TIAM1: variants seen among roughly 807,000 people sequenced by gnomAD.
The protein encoded by TIAM1 is TIAM Rac1 associated GEF 1.
TIAM1 carries 65 observed loss-of-function variants against 163.5 expected under a neutral mutation model. That is an observed-to-expected ratio of 0.40 (90% CI 0.33 to 0.49). TIAM1 has a LOEUF of 0.49. Among genes scored for constraint, TIAM1 ranks in the 20% least tolerant of loss-of-function variants. The probability of loss-of-function intolerance (pLI) is 0.77; values close to 1 mark genes in which losing one functional copy is unlikely to be tolerated. For synonymous variants in TIAM1, 833 were observed against 810.1 expected, an observed-to-expected ratio of 1.03 and a Z score of -0.48; for missense variants, 1,789 against 2,044.7, an observed-to-expected ratio of 0.87 and a Z score of 2.41.
intron 1 of TIAM1, among the ~76,000 whole-genome samples, chr21:31,533,078 T>C (rs1699326013): frequency 6.6e-6 from 1 of 152,214 alleles, no homozygotes; most frequent in Admixed American, 6.5e-5. Context: ...CTCAGCACTC[T>C]GGGAGGCTGA....
chr21:31,433,233 G>A (rs563560258), intron 2 of TIAM1, among the ~76,000 whole-genome samples: 1 of 152,274 alleles, frequency 6.6e-6, no homozygotes, highest in South Asian at 2.1e-4. Flanking sequence ...AAGTAAGAAA[G>A]ACTTCACCAG....
intron 2 of TIAM1, among the ~76,000 whole-genome samples, chr21:31,386,305 G>T: frequency 6.6e-6 from 1 of 152,084 alleles, no homozygotes; most frequent in East Asian, 1.9e-4. Context: ...CCTGCCCCTG[G>T]CTTCTCAGGG....
chr21:31,417,759 A>G (rs1437764135), intron 2 of TIAM1, among the ~76,000 whole-genome samples: 1 of 152,162 alleles, frequency 6.6e-6, no homozygotes. Context: ...GGAGGTTTTC[A>G]ACAGGATGAC....
At chr21:31,162,036 C>T (rs897384565) in intron 16 of TIAM1, among the ~76,000 whole-genome samples, 11 of 152,162 alleles carry the variant, frequency 7.2e-5, no homozygotes, top group Non-Finnish European at 1.6e-4. Context: ...TTAATTCCTT[C>T]TTTTTATGAA....
intron 2 of TIAM1, among the ~76,000 whole-genome samples, chr21:31,454,910 G>A (rs553202336): frequency 1.1e-4 from 16 of 152,170 alleles, no homozygotes; most frequent in African/African-American, 2.2e-4. Flanking sequence ...TGGTTTCTAC[G>A]TCCTGGTGTC....
chr21:31,534,390 G>T (rs2048061352), intron 1 of TIAM1, among the ~76,000 whole-genome samples: 1 of 152,166 alleles, frequency 6.6e-6, no homozygotes, highest in Non-Finnish European at 1.5e-5. Flanking sequence ...AAGCACTTAA[G>T]AATCCAAAAT....
chr21:31,449,358 C>G (rs974055476), intron 2 of TIAM1, among the ~76,000 whole-genome samples: 2 of 151,814 alleles, frequency 1.3e-5, no homozygotes, highest in African/African-American at 2.4e-5. Flanking sequence ...AGTCATAGTT[C>G]TTTTTGTTTT....
At chr21:31,147,172 A>G (rs952751560) in intron 19 of TIAM1, among the ~76,000 whole-genome samples, 169 bp from the exon 20 acceptor site, 10 of 152,078 alleles carry the variant, frequency 6.6e-5, no homozygotes, top group African/African-American at 2.4e-4. Flanking sequence ...GCCCATTACA[A>G]AGTATGTGCT....
intron 2 of TIAM1, among the ~76,000 whole-genome samples, chr21:31,393,797 C>T (rs1015328676): frequency 6.6e-6 from 1 of 152,140 alleles, no homozygotes; most frequent in Non-Finnish European, 1.5e-5. Flanking sequence ...TCTTTCCTGT[C>T]TTTACCACTG....
intron 1 of TIAM1, among the ~76,000 whole-genome samples, chr21:31,466,569 CAGTAAT>C (rs1383811817): frequency 2.6e-5 from 4 of 152,142 alleles, no homozygotes; most frequent in Admixed American, 6.6e-5. Flanking sequence ...AAGTCTTCAT[CAGTAAT>C]AGTAACTCCA....
chr21:31,187,485 T>C (rs1297467569), intron 13 of TIAM1, among the ~76,000 whole-genome samples: 1 of 152,204 alleles, frequency 6.6e-6, no homozygotes, highest in Non-Finnish European at 1.5e-5. Flanking sequence ...TGTTAACAAC[T>C]GTACTGTTGG....
intron 27 of TIAM1, among the ~76,000 whole-genome samples, chr21:31,121,237 C>T (rs1024275262): frequency 3.3e-5 from 5 of 152,154 alleles, no homozygotes; most frequent in Non-Finnish European, 7.3e-5. Context: ...AGTTAGTGTC[C>T]TCAATCCTGG....
At chr21:31,233,169 A>C (rs1399717228) in intron 6 of TIAM1, among the ~76,000 whole-genome samples, 1 of 152,228 alleles carries the variant, frequency 6.6e-6, no homozygotes, top group Non-Finnish European at 1.5e-5. Flanking sequence ...ACTAGGGAAT[A>C]TATGCCAAAT....
intron 10 of TIAM1, among the ~76,000 whole-genome samples, chr21:31,210,822 T>C (rs1464436335): frequency 7.6e-6 from 1 of 132,386 alleles, no homozygotes; most frequent in African/African-American, 2.7e-5. Flanking sequence ...AAGGTCACCA[T>C]TCAGCTCAGC....
intron 1 of TIAM1, among the ~76,000 whole-genome samples, chr21:31,490,147 CTT>C (rs1278401751): frequency 1.3e-5 from 2 of 151,950 alleles, no homozygotes; most frequent in African/African-American, 2.4e-5. Flanking sequence ...TCTAATAAAT[CTT>C]TTTTGTTATT....
At chr21:31,534,425 C>A (rs1025930488) in intron 1 of TIAM1, among the ~76,000 whole-genome samples, 1 of 152,192 alleles carries the variant, frequency 6.6e-6, no homozygotes, top group Non-Finnish European at 1.5e-5. Flanking sequence ...CCTGTAATCC[C>A]AGCACTTTGG....
At chr21:31,246,164 T>G (rs934298814) in intron 5 of TIAM1, among the ~76,000 whole-genome samples, 3 of 152,160 alleles carry the variant, frequency 2.0e-5, no homozygotes, top group Non-Finnish European at 4.4e-5. Flanking sequence ...CAGCGTTAAG[T>G]ACTTTAAGGA....
At position 31,167,431 on chromosome 21, in the gene TIAM1, C is replaced by T. The variant is rs539573837; in HGVS notation, c.2888-2366G>A. Among the ~76,000 whole-genome samples the T allele has an allele frequency of 2.6e-5, 4 of 152,172 alleles. No homozygotes were observed. The South Asian group carries it at 8.3e-4, about 32-fold the overall frequency. ...GTTGAGAGCCAGGTTTCCTGAAGAG[C>T]AAACAAATAAATCTACAAAACACTT... On this transcript the variant is annotated intron_variant, in intron 15 of 27. Coordinates refer to ENST00000541036, the MANE Select transcript of TIAM1 (RefSeq NM_001353694.2).
intron 1 of TIAM1, among the ~76,000 whole-genome samples, chr21:31,478,831 C>G (rs2046017899): frequency 6.6e-6 from 1 of 152,132 alleles, no homozygotes; most frequent in Non-Finnish European, 1.5e-5. Flanking sequence ...GTGGAGGCAG[C>G]TAGCTGACAC....
Sources: gnomAD v4.1 joint callset for allele counts (sites outside exome capture counted in the v4.1 genomes callset) on GRCh38, gnomAD v4.1.1 for gene constraint, MANE v1.5 for transcripts, NCBI Gene and HGNC (gene_info 2026-07-23, HGNC 2026-07-21) for gene names.